UBE4B: variants seen among roughly 807,000 people sequenced by gnomAD.
UBE4B encodes ubiquitination factor E4B.
UBE4B carries 27 observed loss-of-function variants against 148.1 expected under a neutral mutation model. That is an observed-to-expected ratio of 0.18 (90% CI 0.13 to 0.25). The LOEUF (loss-of-function observed/expected upper bound fraction) is 0.25, where lower values mean the gene tolerates loss of function less well. UBE4B is among the 10% of genes least tolerant of loss of function. UBE4B has a pLI of 1.00. For missense variants in UBE4B, 1,170 were observed against 1,662.4 expected, an observed-to-expected ratio of 0.70 and a Z score of 5.15; for synonymous variants, 596 against 619.3, an observed-to-expected ratio of 0.96 and a Z score of 0.56.
intron 2 of UBE4B, among the ~76,000 whole-genome samples, chr1:10,088,221 C>A (rs1012394056): frequency 3.0e-4 from 45 of 152,166 alleles, no homozygotes; most frequent in African/African-American, 9.9e-4. Context: ...ATGCATGATT[C>A]TGCCTTTTGA....
chr1:10,155,629 G>C (rs1035935108), intron 21 of UBE4B, among the ~76,000 whole-genome samples: 52 of 152,210 alleles, frequency 3.4e-4, no homozygotes, highest in African/African-American at 1.3e-3. Context: ...TCCCTGAGCA[G>C]ATGGGACCCT....
intron 10 of UBE4B, among the ~76,000 whole-genome samples, chr1:10,125,420 A>G (rs1279829937): frequency 6.6e-6 from 1 of 152,240 alleles, no homozygotes; most frequent in African/African-American, 2.4e-5. Flanking sequence ...GATTGTTGGT[A>G]TTGCAGAAAC....
chr1:10,138,471 C>T (rs1271052447), intron 17 of UBE4B, among the ~76,000 whole-genome samples: 4 of 151,860 alleles, frequency 2.6e-5, no homozygotes, highest in Non-Finnish European at 5.9e-5. Context: ...TGACCTCAGG[C>T]GATCCGACTG....
intron 21 of UBE4B, among the ~76,000 whole-genome samples, chr1:10,155,008 A>C (rs1420298208): frequency 6.6e-6 from 1 of 152,172 alleles, no homozygotes; most frequent in East Asian, 1.9e-4. Context: ...AAGACAAAAC[A>C]ATTTTAGTTA....
intron 1 of UBE4B, among the ~76,000 whole-genome samples, chr1:10,056,306 T>C (rs1644167069): frequency 6.6e-6 from 1 of 152,194 alleles, no homozygotes; most frequent in Non-Finnish European, 1.5e-5. Context: ...AAGGGGAAAC[T>C]GAGCCTAAGA....
In UBE4B at chr1:10,069,692, G is replaced by A. The variant is rs532823375; in HGVS notation, c.25-2336G>A. On this transcript the variant is annotated intron_variant, in intron 1 of 27. Coordinates refer to ENST00000343090, the MANE Select transcript of UBE4B (RefSeq NM_001105562.3). ...TGGGATTGCAGGTGTGTGGCACCAT[G>A]CCTGGCTGATCTTTGTATTTTTAGT... 6.1e-3 allele frequency among the ~76,000 whole-genome samples: 931 copies of A among 152,248 alleles called. 4 individuals are homozygous for A. The highest frequency in any genetic ancestry group is 9.6e-3 in the Non-Finnish European group (653 of 68,008).
chr1:10,049,800 G>C (rs953068875), intron 1 of UBE4B, among the ~76,000 whole-genome samples: 1 of 150,518 alleles, frequency 6.6e-6, no homozygotes, highest in African/African-American at 2.5e-5. Flanking sequence ...TGAGATGGGA[G>C]AATCACTTGA....
chr1:10,137,245 A>G, intron 17 of UBE4B, 40 bp downstream of exon 17: 1 of 1,611,980 alleles, frequency 6.2e-7, no homozygotes, highest in Middle Eastern at 1.7e-4. Context: ...TGCCTGAGTT[A>G]CCACTTTTTC....
At chr1:10,085,482 A>G (rs2101855667) in intron 2 of UBE4B, among the ~76,000 whole-genome samples, 1 of 152,288 alleles carries the variant, frequency 6.6e-6, no homozygotes, top group East Asian at 1.9e-4. Flanking sequence ...GGAGATGTTC[A>G]CCAGCCAAGG....
intron 7 of UBE4B, among the ~76,000 whole-genome samples, chr1:10,115,241 C>G (rs1645289266): frequency 6.6e-6 from 1 of 151,472 alleles, no homozygotes; most frequent in African/African-American, 2.4e-5. Context: ...CCGCCTTGGC[C>G]TCCCAAAAGT....
intron 1 of UBE4B, among the ~76,000 whole-genome samples, chr1:10,055,677 T>C (rs1476937013): frequency 6.6e-6 from 1 of 152,124 alleles, no homozygotes; most frequent in Non-Finnish European, 1.5e-5. Flanking sequence ...CCCAGCACTT[T>C]GGGAGGCCAA....
chr1:10,097,330 G>A (rs375927615), intron 3 of UBE4B, among the ~76,000 whole-genome samples: 41 of 152,084 alleles, frequency 2.7e-4, no homozygotes, highest in African/African-American at 9.4e-4. Context: ...TGTAGTGAAT[G>A]CAGATGTTCA....
At chr1:10,171,017 C>CT in intron 24 of UBE4B, 121 bp from the exon 25 acceptor site, 1 of 1,017,668 alleles carries the variant, frequency 9.8e-7, no homozygotes, top group South Asian at 1.7e-5. Flanking sequence ...TACACAGCAC[C>CT]TGTAAGGATT....
intron 1 of UBE4B, among the ~76,000 whole-genome samples, chr1:10,063,284 A>T (rs1644322500): frequency 6.6e-6 from 1 of 152,186 alleles, no homozygotes. Flanking sequence ...AAACAAAAAC[A>T]AAACAGATGT....
intron 21 of UBE4B, among the ~76,000 whole-genome samples, chr1:10,155,418 C>G (rs1465955916): frequency 1.3e-5 from 2 of 152,192 alleles, no homozygotes; most frequent in Non-Finnish European, 2.9e-5. Flanking sequence ...TTAAAAGGGT[C>G]AAGAAGCTTG....
chr1:10,108,888 CTG>C (rs920271065), intron 7 of UBE4B, among the ~76,000 whole-genome samples: 8 of 152,174 alleles, frequency 5.3e-5, no homozygotes, highest in Admixed American at 3.3e-4. Flanking sequence ...GGTAAAAGTG[CTG>C]TGTTACCTGT....
At chr1:10,064,564 C>T (rs1176078768) in intron 1 of UBE4B, among the ~76,000 whole-genome samples, 1 of 152,112 alleles carries the variant, frequency 6.6e-6, no homozygotes, top group Non-Finnish European at 1.5e-5. Context: ...CAGGTGCTGC[C>T]AGGGCTTCCT....
intron 2 of UBE4B, among the ~76,000 whole-genome samples, chr1:10,080,536 A>G (rs1168029917): frequency 6.6e-6 from 1 of 152,234 alleles, no homozygotes; most frequent in Non-Finnish European, 1.5e-5. Flanking sequence ...CAGAGCTACC[A>G]TATGATCTGG....
At chr1:10,083,258 G>C (rs1644713194) in intron 2 of UBE4B, among the ~76,000 whole-genome samples, 1 of 152,144 alleles carries the variant, frequency 6.6e-6, no homozygotes, top group African/African-American at 2.4e-5. Context: ...AAACCAAGTG[G>C]ATATCTGTGG....
Sources: gnomAD v4.1 joint callset for allele counts (sites outside exome capture counted in the v4.1 genomes callset) on GRCh38, gnomAD v4.1.1 for gene constraint, MANE v1.5 for transcripts, NCBI Gene and HGNC (gene_info 2026-07-23, HGNC 2026-07-21) for gene names.